The following KREMEN1 variants were observed in gnomAD, a reference collection of about 807,000 sequenced individuals.
The protein encoded by KREMEN1 is kremen protein 1.
KREMEN1 carries 30 observed loss-of-function variants against 46.5 expected under a neutral mutation model. That is an observed-to-expected ratio of 0.65 (90% CI 0.48 to 0.88). KREMEN1 has a LOEUF of 0.88. Among genes scored for constraint, KREMEN1 ranks in the 40% least tolerant of loss-of-function variants. The pLI is 0.00. For missense variants in KREMEN1, 533 were observed against 596.9 expected, an observed-to-expected ratio of 0.89 and a Z score of 1.11; for synonymous variants, 214 against 230.6, an observed-to-expected ratio of 0.93 and a Z score of 0.65.
chr22:29,157,116 A>G (rs16987191), intron 9 of KREMEN1, among the ~76,000 whole-genome samples: 1,641 of 133,870 alleles, frequency 0.012, 32 homozygotes, highest in African/African-American at 0.044. Context: ...GAGGGTTATC[A>G]TCTTCAGGCT....
chr22:29,124,122 C>T (rs2038402369), intron 4 of KREMEN1, among the ~76,000 whole-genome samples: 1 of 152,122 alleles, frequency 6.6e-6, no homozygotes, highest in Non-Finnish European at 1.5e-5. Flanking sequence ...AATCAGTACA[C>T]AAATGCTTAT....
chr22:29,137,946 T>G (rs1055135830), intron 6 of KREMEN1, among the ~76,000 whole-genome samples: 2 of 152,170 alleles, frequency 1.3e-5, no homozygotes, highest in Non-Finnish European at 2.9e-5. Flanking sequence ...TTAAAAGAAT[T>G]TAAAAAAACA....
At chr22:29,139,141 CT>C (rs1314716035) in intron 7 of KREMEN1, among the ~76,000 whole-genome samples, 1 of 152,212 alleles carries the variant, frequency 6.6e-6, no homozygotes, top group East Asian at 1.9e-4. Context: ...CACTCACTGA[CT>C]CATTCATTCA....
Position 29,143,141 on chromosome 22 carries a change from A to T in KREMEN1, c.*1029A>T, listed in dbSNP as rs2038795897. The T allele has an allele frequency of 1.1e-6, 1 of 950,958 alleles. No homozygotes were observed. Among genetic ancestry groups the T allele is most frequent in the South Asian group, 4.9e-5 (1 of 20,546 alleles). The allele number at this position is 950,958 out of a possible 1,614,324, so 58.9% of individuals were successfully genotyped here. On this transcript the variant is annotated 3_prime_UTR_variant, in exon 9 of 9. Transcript: ENST00000400335. ...CTCCAGCCTGGGTGACAAGAGTGAG[A>T]CTCTGTCTCAAAAAAACAAAACACA...
intron 5 of KREMEN1, among the ~76,000 whole-genome samples, chr22:29,135,444 G>A (rs1254737731): frequency 1.3e-5 from 2 of 152,156 alleles, no homozygotes; most frequent in Non-Finnish European, 2.9e-5. Context: ...AGCTGCCGAA[G>A]GCTTTTACTT....
At chr22:29,155,526 C>G (rs1299023248) in intron 9 of KREMEN1, among the ~76,000 whole-genome samples, 2 of 151,656 alleles carry the variant, frequency 1.3e-5, no homozygotes, top group Non-Finnish European at 2.9e-5. Flanking sequence ...CAGAGTGAAA[C>G]CCTGTCTCCA....
In KREMEN1 at chr22:29,138,743, A is replaced by G. The variant is rs755486318; in HGVS notation, c.1084A>G (p.Ile362Val). The stretch of plus-strand genomic sequence containing the variant: ...CCGGTCCTCCAAAGTCCTCTATGTC[A>G]TCACCACCAGCCCCAGCCACCCACC... Reference protein sequence around the residue: ...AARSSKVLYVITTSPSHPPQT... With the variant: ...AARSSKVLYVVTTSPSHPPQT... Residue 362 changes from isoleucine (I) to valine (V), a missense_variant, in exon 7 of 9, where the codon ATC becomes GTC. Transcript: ENST00000400335. 2 of 1,614,186 alleles carry G rather than the reference A, an allele frequency of 1.2e-6. No individual in the cohort carries two copies. Among genetic ancestry groups the G allele is most frequent in the Admixed American group, 1.7e-5 (1 of 60,018 alleles).
chr22:29,137,303 G>T, intron 5 of KREMEN1, 39 bp from the exon 6 acceptor site: 1 of 1,409,082 alleles, frequency 7.1e-7, no homozygotes, highest in Non-Finnish European at 9.4e-7. Context: ...TGTGGCAAAG[G>T]CCCAGACTGA....
intron 9 of KREMEN1, among the ~76,000 whole-genome samples, chr22:29,153,865 G>T (rs925256582): frequency 6.6e-6 from 1 of 151,918 alleles, no homozygotes; most frequent in Non-Finnish European, 1.5e-5. Context: ...TAGCTACTCC[G>T]GGAGGCTGAG....
chr22:29,143,368 T>C lies in KREMEN1; in HGVS notation c.*1256T>C, dbSNP rs1206785206. The C allele has an allele frequency of 1.0e-6, 1 of 985,336 alleles. No homozygotes were observed. The allele number at this position is 985,336 out of a possible 1,614,324, so 61.0% of individuals were successfully genotyped here. ...TTCAGAGTGGAGAGTATCAATCTTG[T>C]GTTTTTGCCCTTAGGCAGCACTATA... On this transcript the variant is annotated 3_prime_UTR_variant, in exon 9 of 9. Coordinates refer to ENST00000400335, the MANE Select transcript of KREMEN1 (RefSeq NM_001039570.3).
At chr22:29,122,950 A>G (rs925952050) in intron 4 of KREMEN1, among the ~76,000 whole-genome samples, 2 of 150,672 alleles carry the variant, frequency 1.3e-5, no homozygotes, top group Non-Finnish European at 3.0e-5. Context: ...CAAAAAAAAA[A>G]AAAAAAAAAA....
At chr22:29,113,800 T>A (rs2038188671) in intron 3 of KREMEN1, among the ~76,000 whole-genome samples, 2 of 152,192 alleles carry the variant, frequency 1.3e-5, no homozygotes. Flanking sequence ...ACAGTGTGGA[T>A]GGCAGAAAGT....
chr22:29,084,143 AT>A (rs35445068), intron 1 of KREMEN1, among the ~76,000 whole-genome samples: 15,533 of 152,090 alleles, frequency 0.1, 1,128 homozygotes, highest in East Asian at 0.32. Context: ...GTCTTTTGGC[AT>A]GCTAATATAT....
intron 4 of KREMEN1, among the ~76,000 whole-genome samples, chr22:29,123,695 C>A (rs1428043110): frequency 6.6e-6 from 1 of 152,200 alleles, no homozygotes; most frequent in Non-Finnish European, 1.5e-5. Flanking sequence ...GAAGCTGAGA[C>A]AGGACAATTG....
chr22:29,166,582 A>G (rs2039054228), intron 9 of KREMEN1, among the ~76,000 whole-genome samples: 1 of 152,228 alleles, frequency 6.6e-6, no homozygotes, highest in Non-Finnish European at 1.5e-5. Flanking sequence ...TGCAGAAGTT[A>G]CAGAAACCCA....
At chr22:29,117,343 G>A (rs1049723735) in intron 3 of KREMEN1, among the ~76,000 whole-genome samples, 4 of 152,142 alleles carry the variant, frequency 2.6e-5, no homozygotes, top group African/African-American at 4.8e-5. Context: ...CAAGGTGGGC[G>A]GATCGCAAGG....
Position 29,140,322 on chromosome 22 carries a change from A to G in KREMEN1, c.1164A>G (p.Thr388=). Reference sequence around the variant, plus strand: ...GTCTGGCAACTCTCCTCATCCTCACAGTCACAGCCATTGTAGCAAAGATAC... The same window carrying G: ...GTCTGGCAACTCTCCTCATCCTCACGGTCACAGCCATTGTAGCAAAGATAC... ...VYGLATLLIL[T]VTAIVAKILL... Residue 388 remains threonine (T), a synonymous_variant, in exon 8 of 9, where the codon ACA becomes ACG. Coordinates refer to ENST00000400335, the MANE Select transcript of KREMEN1 (RefSeq NM_001039570.3). 1.9e-6 allele frequency: 3 copies of G among 1,614,174 alleles called. No individual in the cohort carries two copies. The highest frequency in any genetic ancestry group is 1.7e-5 in the Admixed American group (1 of 60,026).
chr22:29,146,716 GT>G lies in KREMEN1; in HGVS notation c.*4608del, dbSNP rs1284754834. On this transcript the variant is annotated 3_prime_UTR_variant, in exon 9 of 9. Transcript: ENST00000400335. ...ATACAATTTAATATATATTTTTAGGGTTTTGTTATTTAAGAAAATGGAATGT... is the reference window on the plus strand; with the variant it reads ...ATACAATTTAATATATATTTTTAGGGTTTGTTATTTAAGAAAATGGAATGT... 7 of 927,620 alleles carry G rather than the reference GT, an allele frequency of 7.5e-6. No homozygotes were observed. The highest frequency in any genetic ancestry group is 5.0e-5 in the South Asian group (1 of 20,090). 57.5% of individuals were successfully genotyped at this position (927,620 alleles called of 1,614,324 possible). A position where few individuals can be genotyped will look rare whatever the true frequency, so the allele number is the denominator to read the frequency against.
In KREMEN1 at chr22:29,137,697, G is replaced by A. The variant is rs770055349; in HGVS notation, c.964+23G>A. ...AAGGTAAGACATCTTTGCCTCCTTG[G>A]GGGTTCTTCAGGGCCCACGTGCCTT... On this transcript the variant is annotated intron_variant, in intron 6 of 8. Transcript: ENST00000400335. 3.2e-6 allele frequency: 5 copies of A among 1,558,828 alleles called. No individual in the cohort carries two copies. The Admixed American group carries it at 8.6e-5, about 27-fold the overall frequency.
Sources: allele counts gnomAD v4.1 joint callset (sites outside exome capture counted in the v4.1 genomes callset), GRCh38; gene constraint gnomAD v4.1.1; transcripts MANE v1.5; gene names NCBI Gene and HGNC (gene_info 2026-07-23, HGNC 2026-07-21).